The following ZNF227 variants were observed in gnomAD, a reference collection of about 807,000 sequenced individuals.
ZNF227 encodes the protein zinc finger protein 227.
ZNF227 carries 12 observed loss-of-function variants against 13.2 expected under a neutral mutation model. The ratio of observed to expected loss-of-function variants is 0.91; its 90% CI spans 0.58 to 1.47. The LOEUF (loss-of-function observed/expected upper bound fraction) is 1.47, where lower values mean the gene tolerates loss of function less well. Ranked by LOEUF, ZNF227 falls within the 40% of genes most tolerant of loss-of-function variation. The probability of loss-of-function intolerance (pLI) is 0.00; values close to 1 mark genes in which losing one functional copy is unlikely to be tolerated. For missense variants in ZNF227, 885 were observed against 967.5 expected (o/e 0.91, Z 1.13); for synonymous variants, 338 against 326.0 (o/e 1.04, Z -0.40).
chr19:44,230,380 T>G (rs1973654207), intron 5 of ZNF227, among the ~76,000 whole-genome samples: 1 of 152,110 alleles, frequency 6.6e-6, no homozygotes, highest in Non-Finnish European at 1.5e-5. Flanking sequence ...TTCACAACCT[T>G]CCCATTTCAC....
chr19:44,218,139 A>G (rs1972086528), intron 3 of ZNF227, among the ~76,000 whole-genome samples: 1 of 152,214 alleles, frequency 6.6e-6, no homozygotes, highest in Admixed American at 6.5e-5. Flanking sequence ...ACATTTTGCA[A>G]TACTTGAGTA....
intron 2 of ZNF227, chr19:44,213,614 T>C (rs187011799): frequency 6.6e-6 from 1 of 152,352 alleles, no homozygotes; most frequent in African/African-American, 2.4e-5. Context: ...TTTTTGTTTC[T>C]TTGGTTTTTG....
chr19:44,223,401 T>C (rs533257389), intron 3 of ZNF227, among the ~76,000 whole-genome samples: 83 of 152,314 alleles, frequency 5.4e-4, no homozygotes, highest in African/African-American at 1.9e-3. Context: ...TCCTGGACTC[T>C]TTTTGGTTGG....
intron 4 of ZNF227, among the ~76,000 whole-genome samples, chr19:44,229,476 G>A (rs1476011072): frequency 6.6e-6 from 1 of 152,114 alleles, no homozygotes; most frequent in Non-Finnish European, 1.5e-5. Context: ...GCCGGGTGTG[G>A]TGGCAGGTGC....
chr19:44,235,067 T>C lies in ZNF227; in HGVS notation c.637T>C (p.Phe213Leu), dbSNP rs1368695917. The C allele has an allele frequency of 3.1e-6, 5 of 1,613,890 alleles. No homozygotes were observed. In the South Asian group the frequency reaches 5.5e-5, roughly 18 times the overall value. Residue 213 changes from phenylalanine (F) to leucine (L), a missense_variant, in exon 6 of 6, where the codon TTT (phenylalanine) becomes CTT (leucine). Physicochemically the swap from Phe to Leu is conservative, Grantham distance 22. Coordinates refer to ENST00000313040, the MANE Select transcript of ZNF227 (RefSeq NM_182490.3). ...IHEDFMKKSP[F>L]HEHIKTDTEP... ...TGAAGACTTCATGAAGAAATCACCATTTCATGAGCATATTAAAACTGACAC... is the reference window on the plus strand; with the variant it reads ...TGAAGACTTCATGAAGAAATCACCACTTCATGAGCATATTAAAACTGACAC...
rs1055767830 is a variant in ZNF227, at chr19:44,228,536, G to A, written c.151G>A (p.Val51Ile). The change falls in exon 4 of 6, where the codon GTC becomes ATC. Residue 51 changes from valine (V) to isoleucine (I), a missense_variant. Physicochemically the swap from Val to Ile is conservative, Grantham distance 29. Transcript: ENST00000313040. ...TACCCAGAGGAAGCTGTACCGAGAT[G>A]TCATGGTGGAGAACTTCAAGAACCT... ...DLTQRKLYRD[V>I]MVENFKNLVA... is the part of the protein sequence containing the mutation. The A allele has an allele frequency of 2.5e-6, 4 of 1,613,560 alleles. No individual in the cohort carries two copies.
chr19:44,230,926 A>AAAAATATATAT (rs1555792168), intron 5 of ZNF227, among the ~76,000 whole-genome samples: 1 of 68,116 alleles, frequency 1.5e-5, no homozygotes, highest in African/African-American at 9.8e-5. Flanking sequence ...AAAAAAAAAA[A>AAAAATATATAT]ATATATATAT....
rs748451888 is a variant in ZNF227 at position 44,236,522 on chromosome 19, G to A, written c.2092G>A (p.Gly698Ser). The change falls in exon 6 of 6, where the codon GGT becomes AGT. Residue 698 changes from glycine (G) to serine (S), a missense_variant. Coordinates refer to ENST00000313040, the MANE Select transcript of ZNF227 (RefSeq NM_182490.3). ...YKCEECGKGFGRSLNLRHHQR... is the reference protein window; with the variant it reads ...YKCEECGKGFSRSLNLRHHQR... ...ATGTGAAGAGTGTGGGAAAGGCTTT[G>A]GTAGGAGCTTGAATCTTCGCCATCA... is the stretch of plus-strand genomic sequence containing the variant. 12 of 1,613,286 alleles carry A rather than the reference G, an allele frequency of 7.4e-6. No individual in the cohort carries two copies. The highest frequency in any genetic ancestry group is 1.0e-5 in the Non-Finnish European group (12 of 1,179,832).
chr19:44,237,091 T>G lies in ZNF227; in HGVS notation c.*261T>G. 2.9e-6 allele frequency: 1 copy of G among 348,246 alleles called. No individual in the cohort carries two copies. Among genetic ancestry groups the G allele is most frequent in the Non-Finnish European group, 5.2e-6 (1 of 192,768 alleles). The allele number at this position is 348,246 out of a possible 1,614,324, so 21.6% of individuals were successfully genotyped here. The stretch of plus-strand genomic sequence containing the variant: ...ATGATCACCTTTCATTGTGAATATA[T>G]GCCTGAAGATAATGTGTGGAAGGAT... On this transcript the variant is annotated 3_prime_UTR_variant, in exon 6 of 6. Coordinates refer to ENST00000313040, the MANE Select transcript of ZNF227 (RefSeq NM_182490.3).
Position 44,236,858 on chromosome 19 carries a change from T to G in ZNF227, c.*28T>G. The G allele has an allele frequency of 6.5e-7, 1 of 1,529,998 alleles. No homozygotes were observed. Among genetic ancestry groups the G allele is most frequent in the Non-Finnish European group, 8.8e-7 (1 of 1,140,082 alleles). The allele number at this position is 1,529,998 out of a possible 1,614,324, so 94.8% of individuals were successfully genotyped here. A position where few individuals can be genotyped will look rare whatever the true frequency, so the allele number is the denominator to read the frequency against. On this transcript the variant is annotated 3_prime_UTR_variant, in exon 6 of 6. Coordinates refer to ENST00000313040, the MANE Select transcript of ZNF227 (RefSeq NM_182490.3). ...ATGAGAAATGTGTTACCAACTTTTG[T>G]CTGAATGCACATCTTCAAGTTTTTG...
chr19:44,212,037 G>A (rs1971398387), upstream of ZNF227, among the ~76,000 whole-genome samples: 1 of 151,140 alleles, frequency 6.6e-6, no homozygotes, highest in East Asian at 1.9e-4. Flanking sequence ...CTACAGGCGC[G>A]CGCCACCACG....
At chr19:44,211,961 T>C (rs569435434), upstream of ZNF227, among the ~76,000 whole-genome samples, 4 of 149,722 alleles carry the variant, frequency 2.7e-5, no homozygotes, top group East Asian at 2.0e-4. Context: ...AGTGGCACGA[T>C]CTTGGCTCAC....
rs200480738 is a variant in ZNF227 at position 44,236,774 on chromosome 19, C to G, written c.2344C>G (p.Arg782Gly). The G allele has an allele frequency of 3.1e-6, 5 of 1,610,586 alleles. No individual in the cohort carries two copies. The highest frequency in any genetic ancestry group is 4.2e-6 in the Non-Finnish European group (5 of 1,178,390). Residue 782 changes from arginine to glycine, a missense_variant, in exon 6 of 6, where the codon CGT becomes GGT. Transcript: ENST00000313040. ...YKCDICDKDFRHRSRLTYHQK... is the reference protein window; with the variant it reads ...YKCDICDKDFGHRSRLTYHQK... ...ATGTGACATATGTGATAAGGACTTC[C>G]GTCACCGTTCACGTCTTACATATCA...
At position 44,235,576 on chromosome 19, in the gene ZNF227, C is replaced by G; in HGVS notation, c.1146C>G (p.Cys382Trp). 6 of 1,613,778 alleles carry G rather than the reference C, an allele frequency of 3.7e-6. No homozygotes were observed. Among genetic ancestry groups the G allele is most frequent in the South Asian group, 2.2e-5 (2 of 91,064 alleles). ...RVHTEEKPYKCEECGKGFGWS... is the reference protein window; with the variant it reads ...RVHTEEKPYKWEECGKGFGWS... ...ACACTGAAGAAAAACCATACAAATG[C>G]GAAGAGTGTGGTAAGGGCTTCGGTT... The change falls in exon 6 of 6, where the codon TGC (cysteine) becomes TGG (tryptophan). Residue 382 changes from cysteine to tryptophan, a missense_variant. Cys to Trp is a radical substitution (Grantham distance 215, BLOSUM62 -2). Coordinates refer to ENST00000313040, the MANE Select transcript of ZNF227 (RefSeq NM_182490.3).
chr19:44,214,612 A>G (rs1261718120), intron 2 of ZNF227, among the ~76,000 whole-genome samples: 2 of 152,038 alleles, frequency 1.3e-5, no homozygotes, highest in Non-Finnish European at 2.9e-5. Context: ...TCTTGACCTC[A>G]GGTAATCCGC....
chr19:44,228,699 C>T (rs1005635398), intron 4 of ZNF227, 127 bp downstream of exon 4: 2 of 1,188,212 alleles, frequency 1.7e-6, no homozygotes, highest in South Asian at 2.6e-5. Context: ...TTTCTAATCC[C>T]TGGGAAAACA....
At chr19:44,215,198 C>T (rs1285105424) in intron 2 of ZNF227, among the ~76,000 whole-genome samples, 17 of 145,966 alleles carry the variant, frequency 1.2e-4, no homozygotes, top group Admixed American at 7.7e-4. Context: ...AACGGAGTCT[C>T]GCCTGTCGCC....
At chr19:44,210,157 G>C (rs949238955), upstream of ZNF227, among the ~76,000 whole-genome samples, 2 of 152,160 alleles carry the variant, frequency 1.3e-5, no homozygotes, top group African/African-American at 2.4e-5. Flanking sequence ...ACTTTTGGTG[G>C]GATGCATTTG....
In ZNF227 at chr19:44,235,122, A is replaced by G. The variant is rs756396775; in HGVS notation, c.692A>G (p.Tyr231Cys). 1.9e-6 allele frequency: 3 copies of G among 1,614,190 alleles called. No homozygotes were observed. Among genetic ancestry groups the G allele is most frequent in the Non-Finnish European group, 2.5e-6 (3 of 1,180,038 alleles). Residue 231 changes from tyrosine to cysteine, a missense_variant, in exon 6 of 6, where the codon TAT (tyrosine) becomes TGT (cysteine). Transcript: ENST00000313040. ...TEPKPCKGNE[Y>C]GKIISDGSNQ... ...CCAAAACCCTGCAAAGGTAATGAAT[A>G]TGGCAAAATCATTAGTGATGGCTCC...
Sources: allele counts gnomAD v4.1 joint callset (sites outside exome capture counted in the v4.1 genomes callset), GRCh38; gene constraint gnomAD v4.1.1; transcripts MANE v1.5; gene names NCBI Gene and HGNC (gene_info 2026-07-23, HGNC 2026-07-21).